GPR139: variants seen among roughly 807,000 people sequenced by gnomAD.
The protein encoded by GPR139 is G protein-coupled receptor 139.
A neutral mutation model predicts 25.8 loss-of-function variants in GPR139; 12 were observed. The ratio of observed to expected loss-of-function variants is 0.47; its 90% CI spans 0.30 to 0.75. The LOEUF (loss-of-function observed/expected upper bound fraction) is 0.75. Among genes scored for constraint, GPR139 ranks in the 30% least tolerant of loss-of-function variants. The probability of loss-of-function intolerance (pLI) is 0.07; values close to 1 mark genes in which losing one functional copy is unlikely to be tolerated. For missense variants in GPR139, 380 were observed against 450.2 expected (o/e 0.84, Z 1.41); for synonymous variants, 184 against 179.9 (o/e 1.02, Z -0.18).
chr16:20,056,753 C>A (rs1024003907), intron 1 of GPR139, among the ~76,000 whole-genome samples: 2 of 152,148 alleles, frequency 1.3e-5, no homozygotes, highest in African/African-American at 4.8e-5. Flanking sequence ...ATTTGGAATT[C>A]TAAGTACTCG....
chr16:20,058,334 A>AGTGTGTGTGT (rs56090244), intron 1 of GPR139, among the ~76,000 whole-genome samples: 1 of 149,670 alleles, frequency 6.7e-6, no homozygotes, highest in Non-Finnish European at 1.5e-5. Context: ...ATGGATGTGG[A>AGTGTGTGTGT]GTGTGTGTGT....
At chr16:20,062,770 A>G (rs2057418413) in intron 1 of GPR139, among the ~76,000 whole-genome samples, 1 of 152,286 alleles carries the variant, frequency 6.6e-6, no homozygotes, top group Non-Finnish European at 1.5e-5. Context: ...AGTAAAAAGA[A>G]GCAGGAGAAG....
intron 1 of GPR139, among the ~76,000 whole-genome samples, chr16:20,037,468 A>G (rs79186169): frequency 0.043 from 6,422 of 150,756 alleles, 229 homozygotes; most frequent in East Asian, 0.16. Context: ...AAAAAAAAAA[A>G]AGAGAGAGAA....
intron 1 of GPR139, among the ~76,000 whole-genome samples, chr16:20,061,159 C>G (rs763488872): frequency 1.2e-4 from 18 of 151,668 alleles, no homozygotes; most frequent in Non-Finnish European, 2.4e-4. Context: ...TGCCTGGTAC[C>G]TAGCAATGCC....
At position 20,038,149 on chromosome 16, in the gene GPR139, A is replaced by G. The variant is rs898803029; in HGVS notation, c.128-5480T>C. On this transcript the variant is annotated intron_variant, in intron 1 of 1. Transcript: ENST00000570682. ...AGTGCTGGGATTACAGGCGTGAGCC[A>G]TCATGCTCAGCCACAACCTCTTTTT... Among the ~76,000 whole-genome samples the G allele has an allele frequency of 2.0e-5, 3 of 152,104 alleles. No individual in the cohort carries two copies. The East Asian group carries it at 5.8e-4, about 29-fold the overall frequency.
At position 20,030,482 on chromosome 16, in the gene GPR139, C is replaced by T. The variant is rs2057283799; in HGVS notation, c.*1253G>A. On this transcript the variant is annotated 3_prime_UTR_variant, in exon 2 of 2. Coordinates refer to ENST00000570682, the MANE Select transcript of GPR139 (RefSeq NM_001002911.4). ...AGCAATTTCCAGGGATGCCCCTATT[C>T]ATTACATCCTAGAAATGTTCTTGCC... Among the ~76,000 whole-genome samples, 1 of 152,176 alleles carries T rather than the reference C, an allele frequency of 6.6e-6. No individual in the cohort carries two copies. Among genetic ancestry groups the T allele is most frequent in the South Asian group, 2.1e-4 (1 of 4,830 alleles).
In GPR139 at chr16:20,031,619, G is replaced by T. The variant is rs564452957; in HGVS notation, c.*116C>A. The T allele has an allele frequency of 5.6e-5, 43 of 762,374 alleles. No homozygotes were observed. In the East Asian group the frequency reaches 1.0e-3, roughly 18 times the overall value. The allele number at this position is 762,374 out of a possible 1,614,324, so 47.2% of individuals were successfully genotyped here. On this transcript the variant is annotated 3_prime_UTR_variant, in exon 2 of 2. Coordinates refer to ENST00000570682, the MANE Select transcript of GPR139 (RefSeq NM_001002911.4). ...TACCAGTCTGAGAATTGCCCAGTCT[G>T]CGGGAGACAGGAAATCGGATTAGCA... is the stretch of plus-strand genomic sequence containing the variant.
intron 1 of GPR139, among the ~76,000 whole-genome samples, chr16:20,053,179 T>C (rs1314574970): frequency 6.6e-6 from 1 of 152,200 alleles, no homozygotes; most frequent in African/African-American, 2.4e-5. Flanking sequence ...TCTGATCAAC[T>C]CTAACGGATC....
chr16:20,069,750 C>T (rs1403056357), intron 1 of GPR139, among the ~76,000 whole-genome samples: 1 of 152,126 alleles, frequency 6.6e-6, no homozygotes, highest in African/African-American at 2.4e-5. Context: ...TCACACTGCT[C>T]CTTCCTTATC....
chr16:20,072,968 C>T (rs992340676), intron 1 of GPR139, among the ~76,000 whole-genome samples: 1 of 152,124 alleles, frequency 6.6e-6, no homozygotes. Flanking sequence ...CATTCCAGTG[C>T]CCCCCGAGCA....
intron 1 of GPR139, among the ~76,000 whole-genome samples, chr16:20,039,272 T>C (rs1221828761): frequency 6.6e-6 from 1 of 152,196 alleles, no homozygotes; most frequent in Admixed American, 6.5e-5. Context: ...CACCACTGAA[T>C]CGTCTGCTGG....
intron 1 of GPR139, among the ~76,000 whole-genome samples, chr16:20,055,954 A>C (rs2057387205): frequency 2.0e-5 from 3 of 152,250 alleles, no homozygotes; most frequent in South Asian, 2.1e-4. Context: ...AATTCAGGTA[A>C]TGTGTTTAAA....
chr16:20,064,053 G>C (rs961953240), intron 1 of GPR139, among the ~76,000 whole-genome samples: 1 of 152,106 alleles, frequency 6.6e-6, no homozygotes, highest in Admixed American at 6.6e-5. Context: ...AAAATCATTG[G>C]ATCTCATGAG....
intron 1 of GPR139, among the ~76,000 whole-genome samples, chr16:20,038,327 ATATGTG>A (rs1244989132): frequency 8.0e-4 from 65 of 81,620 alleles, no homozygotes; most frequent in African/African-American, 3.0e-3. Flanking sequence ...GATAATATAT[ATATGTG>A]TGTGTGTGTG....
chr16:20,031,537 T>C lies in GPR139; in HGVS notation c.*198A>G, dbSNP rs146523910. On this transcript the variant is annotated 3_prime_UTR_variant, in exon 2 of 2. Transcript: ENST00000570682. ...GTCATTACGACTCTGTGGAAATAAA[T>C]GCATAAGTAAAAACAAGCTTCATGC... 196 of 590,252 alleles carry C rather than the reference T, an allele frequency of 3.3e-4. No individual in the cohort carries two copies. Among genetic ancestry groups the C allele is most frequent in the East Asian group, 1.7e-3 (60 of 35,884 alleles). The allele number at this position is 590,252 out of a possible 1,614,324, so 36.6% of individuals were successfully genotyped here.
chr16:20,060,277 G>A lies in GPR139; in HGVS notation c.127+13213C>T, dbSNP rs559264113. Among the ~76,000 whole-genome samples, 15 of 151,950 alleles carry A rather than the reference G, an allele frequency of 9.9e-5. 1 individual carries two copies. In the South Asian group the frequency reaches 2.9e-3, roughly 30 times the overall value. On this transcript the variant is annotated intron_variant, in intron 1 of 1. Coordinates refer to ENST00000570682, the MANE Select transcript of GPR139 (RefSeq NM_001002911.4). ...GTGTGCGTGTGTGTGTGTGGTGCAT[G>A]TGTGCATCTGTGTGTCTATATGTGT...
At chr16:20,059,796 C>T (rs376611262) in intron 1 of GPR139, among the ~76,000 whole-genome samples, 2 of 152,130 alleles carry the variant, frequency 1.3e-5, no homozygotes, top group African/African-American at 4.8e-5. Context: ...AACTGAGGCT[C>T]GAAGAAGGGG....
At chr16:20,041,230 GGA>G (rs1188632816) in intron 1 of GPR139, among the ~76,000 whole-genome samples, 1 of 5,486 alleles carries the variant, frequency 1.8e-4, no homozygotes, top group Non-Finnish European at 4.8e-4. Context: ...GGAGAGGAGA[GGA>G]GAGGAGAGGA....
chr16:20,028,538 C>T lies in GPR139; in HGVS notation c.*3197G>A, dbSNP rs377287890. Among the ~76,000 whole-genome samples, 8 of 152,060 alleles carry T rather than the reference C, an allele frequency of 5.3e-5. No homozygotes were observed. Among genetic ancestry groups the T allele is most frequent in the Non-Finnish European group, 7.4e-5 (5 of 68,006 alleles). On this transcript the variant is annotated 3_prime_UTR_variant, in exon 2 of 2. Transcript: ENST00000570682. ...CCATTCTCTGAACTGGAATAGCCAA[C>T]ATTAGAGTCTTTTATTCACTTCGGG...
Sources: allele counts gnomAD v4.1 joint callset (sites outside exome capture counted in the v4.1 genomes callset), GRCh38; gene constraint gnomAD v4.1.1; transcripts MANE v1.5; gene names NCBI Gene and HGNC (gene_info 2026-07-23, HGNC 2026-07-21).